The following RGSL1 variants were observed in gnomAD, a reference collection of about 807,000 sequenced individuals.
RGSL1 encodes the protein regulator of G protein signaling protein-like.
Under a neutral mutation model 124.7 loss-of-function variants are expected in RGSL1, and 97 were observed. That is an observed-to-expected ratio of 0.78 (90% CI 0.66 to 0.92). The LOEUF (loss-of-function observed/expected upper bound fraction) is 0.92. Among genes scored for constraint, RGSL1 ranks in the 40% least tolerant of loss-of-function variants. The probability of loss-of-function intolerance (pLI) is 0.00; values close to 1 mark genes in which losing one functional copy is unlikely to be tolerated. For synonymous variants in RGSL1, 424 were observed against 438.1 expected (o/e 0.97, Z 0.40); for missense variants, 1,233 against 1,288.4 (o/e 0.96, Z 0.66).
At position 182,540,276 on chromosome 1, in the gene RGSL1, C is replaced by T. The variant is rs1345854672; in HGVS notation, c.2524C>T (p.Arg842Cys). ...NFTTAHNTSG[R>C]SAPPSTNVRS... is the part of the protein sequence containing the mutation. The stretch of plus-strand genomic sequence containing the variant: ...CACCACAGCACACAACACATCGGGA[C>T]GTTCAGCTCCACCCTCCACAAATGT... Residue 842 changes from arginine (R) to cysteine (C), a missense_variant, in exon 15 of 22, where the codon CGT (arginine) becomes TGT (cysteine). Transcript: ENST00000294854. The T allele has an allele frequency of 1.2e-5, 19 of 1,550,776 alleles. No individual in the cohort carries two copies. Among genetic ancestry groups the T allele is most frequent in the East Asian group, 9.8e-5 (4 of 40,878 alleles).
intron 19 of RGSL1, 144 bp downstream of exon 19, chr1:182,553,685 G>T (rs985246241): frequency 2.9e-6 from 2 of 691,960 alleles, no homozygotes; most frequent in Admixed American, 2.6e-5. Context: ...CACATAGCTT[G>T]TGAGTGGCAG....
intron 2 of RGSL1, among the ~76,000 whole-genome samples, chr1:182,456,432 G>A (rs1050571796): frequency 6.6e-6 from 1 of 152,080 alleles, no homozygotes; most frequent in Non-Finnish European, 1.5e-5. Context: ...AAGTAGCTGG[G>A]ACTACAGGCG....
At chr1:182,478,389 G>A (rs1175928779) in intron 6 of RGSL1, among the ~76,000 whole-genome samples, 1 of 152,164 alleles carries the variant, frequency 6.6e-6, no homozygotes, top group Non-Finnish European at 1.5e-5. Context: ...AAATCCTGGA[G>A]CTGACAAATA....
At chr1:182,504,472 C>CTTTTTT (rs60918424) in intron 9 of RGSL1, among the ~76,000 whole-genome samples, 1 of 59,496 alleles carries the variant, frequency 1.7e-5, no homozygotes, top group Non-Finnish European at 3.1e-5. Context: ...ATGAGCCATA[C>CTTTTTT]TTTTTTTTTT....
chr1:182,508,257 TTGG>T (rs1656979234), intron 9 of RGSL1, among the ~76,000 whole-genome samples: 1 of 151,210 alleles, frequency 6.6e-6, no homozygotes, highest in Non-Finnish European at 1.5e-5. Context: ...TGTAATTTTG[TTGG>T]TGGTGGTGAT....
intron 9 of RGSL1, among the ~76,000 whole-genome samples, chr1:182,513,063 C>A (rs1657578978): frequency 6.6e-6 from 1 of 152,166 alleles, no homozygotes; most frequent in Admixed American, 6.5e-5. Context: ...ATGCCTGTTC[C>A]CATTTAGGGT....
At chr1:182,466,603 T>C (rs914780839) in intron 4 of RGSL1, among the ~76,000 whole-genome samples, 27 of 152,114 alleles carry the variant, frequency 1.8e-4, no homozygotes, top group African/African-American at 5.8e-4. Context: ...AAGAATAAAA[T>C]ACTTAGGAAT....
chr1:182,488,832 G>T (rs530934898), intron 7 of RGSL1, 148 bp from the exon 8 acceptor site: 134 of 600,644 alleles, frequency 2.2e-4, no homozygotes, highest in Non-Finnish European at 3.2e-4. Flanking sequence ...GGGTTGGCAT[G>T]TAAAGGAGCA....
At chr1:182,521,262 A>T (rs1440831440) in intron 9 of RGSL1, among the ~76,000 whole-genome samples, 1 of 152,090 alleles carries the variant, frequency 6.6e-6, no homozygotes, top group Non-Finnish European at 1.5e-5. Context: ...GTAGAGATGG[A>T]GTCTCACTGT....
At chr1:182,472,835 T>C (rs1653962234) in intron 5 of RGSL1, among the ~76,000 whole-genome samples, 1 of 152,238 alleles carries the variant, frequency 6.6e-6, no homozygotes, top group African/African-American at 2.4e-5. Context: ...AAAGCACCTG[T>C]AACATTTAAG....
chr1:182,465,093 T>G (rs2102011172), intron 4 of RGSL1, among the ~76,000 whole-genome samples: 1 of 151,842 alleles, frequency 6.6e-6, no homozygotes, highest in South Asian at 2.1e-4. Context: ...ATAATAATAA[T>G]AAAGTGAAAG....
chr1:182,486,054 C>A (rs1245245943), intron 6 of RGSL1, among the ~76,000 whole-genome samples: 4 of 152,122 alleles, frequency 2.6e-5, no homozygotes, highest in Admixed American at 2.6e-4. Context: ...TATTGCATCA[C>A]ACACTGCTCT....
At chr1:182,522,739 G>A (rs892381853) in intron 10 of RGSL1, among the ~76,000 whole-genome samples, 7 of 152,052 alleles carry the variant, frequency 4.6e-5, no homozygotes, top group African/African-American at 1.7e-4. Flanking sequence ...AAACCCTAAA[G>A]GTCTAAAGTA....
chr1:182,509,710 C>CG (rs553499727), intron 9 of RGSL1, among the ~76,000 whole-genome samples: 8 of 134,116 alleles, frequency 6.0e-5, no homozygotes, highest in African/African-American at 1.8e-4. Flanking sequence ...GCTGGCCGGG[C>CG]GGGGGGCTGA....
intron 9 of RGSL1, among the ~76,000 whole-genome samples, chr1:182,498,846 G>A (rs1656137311): frequency 6.7e-6 from 1 of 149,354 alleles, no homozygotes; most frequent in Non-Finnish European, 1.5e-5. Flanking sequence ...AGCCCGGAGT[G>A]CAATGGCACG....
intron 18 of RGSL1, among the ~76,000 whole-genome samples, chr1:182,552,094 G>A (rs888638857): frequency 6.6e-6 from 1 of 151,932 alleles, no homozygotes; most frequent in Admixed American, 6.6e-5. Context: ...ATACAGCTGT[G>A]ATTGGTACTT....
In RGSL1 at chr1:182,460,153, C is replaced by T. The variant is rs765895801; in HGVS notation, c.301+20C>T. The T allele has an allele frequency of 6.8e-5, 102 of 1,504,978 alleles. 1 individual carries two copies. Among genetic ancestry groups the T allele is most frequent in the Admixed American group, 4.7e-4 (22 of 47,050 alleles). The allele number at this position is 1,504,978 out of a possible 1,614,324, so 93.2% of individuals were successfully genotyped here. Reference sequence around the variant, plus strand: ...AAGGAGGTAAGCATTGGTGTGCATGCGTGTGTCTGTGTGTGTGTGTGTGTG... The same window carrying T: ...AAGGAGGTAAGCATTGGTGTGCATGTGTGTGTCTGTGTGTGTGTGTGTGTG... On this transcript the variant is annotated intron_variant, in intron 4 of 21. Coordinates refer to ENST00000294854, the MANE Select transcript of RGSL1 (RefSeq NM_001137669.2).
intron 4 of RGSL1, among the ~76,000 whole-genome samples, chr1:182,462,517 A>G (rs1388020751): frequency 6.6e-6 from 1 of 151,894 alleles, no homozygotes; most frequent in East Asian, 1.9e-4. Context: ...TTGTTTTTTC[A>G]AGATTTAAGA....
chr1:182,464,561 T>C (rs895320352), intron 4 of RGSL1, among the ~76,000 whole-genome samples: 1 of 151,270 alleles, frequency 6.6e-6, no homozygotes, highest in African/African-American at 2.4e-5. Flanking sequence ...CTGTCTCTAC[T>C]AAAAATACAA....
Sources: gnomAD v4.1 joint callset for allele counts (sites outside exome capture counted in the v4.1 genomes callset) on GRCh38, gnomAD v4.1.1 for gene constraint, MANE v1.5 for transcripts, NCBI Gene and HGNC (gene_info 2026-07-23, HGNC 2026-07-21) for gene names.